The following CADPS2 variants were observed in gnomAD, a reference collection of about 807,000 sequenced individuals.
CADPS2 encodes calcium dependent secretion activator 2.
In CADPS2, 93 loss-of-function variants were observed where a neutral mutation model predicts 172.5. The ratio of observed to expected loss-of-function variants is 0.54; its 90% CI spans 0.46 to 0.64. The LOEUF (loss-of-function observed/expected upper bound fraction) is 0.64. Ranked by LOEUF, CADPS2 falls within the 30% of genes least tolerant of loss-of-function variation. The pLI is 0.00. For missense variants in CADPS2, 1,420 were observed against 1,565.9 expected, an observed-to-expected ratio of 0.91 and a Z score of 1.57; for synonymous variants, 546 against 555.2, an observed-to-expected ratio of 0.98 and a Z score of 0.23.
In CADPS2 at chr7:122,768,333, G is replaced by A. The variant is rs140900449; in HGVS notation, c.340-31265C>T. Reference sequence around the variant, plus strand: ...ACCCACATCAGAAATATGCAACAAAGTCATATATAAATCTAAGCAAAATCA... The same window carrying A: ...ACCCACATCAGAAATATGCAACAAAATCATATATAAATCTAAGCAAAATCA... On this transcript the variant is annotated intron_variant, in intron 1 of 29. Transcript: ENST00000449022. Among the ~76,000 whole-genome samples, 1,030 of 152,166 alleles carry A rather than the reference G, an allele frequency of 6.8e-3. 3 individuals carry two copies. The highest frequency in any genetic ancestry group is 0.034 in the Middle Eastern group (10 of 294).
chr7:122,540,701 T>C (rs2062822693), intron 8 of CADPS2, among the ~76,000 whole-genome samples: 1 of 152,154 alleles, frequency 6.6e-6, no homozygotes, highest in Non-Finnish European at 1.5e-5. Context: ...AAAGACAAGA[T>C]TGTAGTTATA....
At chr7:122,364,805 C>A (rs1283375412) in intron 25 of CADPS2, among the ~76,000 whole-genome samples, 1 of 151,606 alleles carries the variant, frequency 6.6e-6, no homozygotes, top group African/African-American at 2.4e-5. Context: ...TACAAAAACA[C>A]AACAGTCTTA....
At chr7:122,523,312 ATAAT>A (rs571232683) in intron 8 of CADPS2, among the ~76,000 whole-genome samples, 19 of 152,192 alleles carry the variant, frequency 1.2e-4, no homozygotes, top group Admixed American at 3.3e-4. Flanking sequence ...AACTAGAAAA[ATAAT>A]TAATTCTATA....
intron 15 of CADPS2, among the ~76,000 whole-genome samples, chr7:122,448,745 T>C (rs1469136632): frequency 6.6e-6 from 1 of 152,132 alleles, no homozygotes; most frequent in Non-Finnish European, 1.5e-5. Flanking sequence ...CCACTGGTTT[T>C]GGTTCAAAAC....
chr7:122,734,389 A>AAAAAAAAAAAAG (rs2091980642), intron 2 of CADPS2, among the ~76,000 whole-genome samples: 4 of 47,834 alleles, frequency 8.4e-5, no homozygotes, highest in African/African-American at 1.2e-4. Flanking sequence ...AAAAAAAAGA[A>AAAAAAAAAAAAG]AAAAAAAAAA....
At chr7:122,788,894 A>G (rs1307383288) in intron 1 of CADPS2, among the ~76,000 whole-genome samples, 1 of 152,196 alleles carries the variant, frequency 6.6e-6, no homozygotes, top group East Asian at 1.9e-4. Flanking sequence ...CACTGAGGAA[A>G]GGCCTGCTTC....
intron 3 of CADPS2, among the ~76,000 whole-genome samples, chr7:122,656,709 G>A (rs1477380385): frequency 6.6e-6 from 1 of 152,118 alleles, no homozygotes; most frequent in Middle Eastern, 3.2e-3. Context: ...GACTTTCCCT[G>A]GGGCAGAGTC....
intron 2 of CADPS2, among the ~76,000 whole-genome samples, chr7:122,725,466 T>A (rs893419323): frequency 2.6e-5 from 4 of 151,804 alleles, no homozygotes; most frequent in African/African-American, 7.3e-5. Flanking sequence ...ATATACTGCA[T>A]GGACCATCTG....
At chr7:122,708,196 T>A (rs2087911108) in intron 2 of CADPS2, among the ~76,000 whole-genome samples, 1 of 151,732 alleles carries the variant, frequency 6.6e-6, no homozygotes, top group Admixed American at 6.6e-5. Context: ...GATTAAATCT[T>A]ATTCTCATCT....
chr7:122,411,262 C>T (rs1361290561), intron 19 of CADPS2, among the ~76,000 whole-genome samples: 2 of 151,324 alleles, frequency 1.3e-5, no homozygotes, highest in South Asian at 2.1e-4. Context: ...GCTCTGTCGC[C>T]CAGGCTGGAG....
chr7:122,531,349 ACC>A (rs1489596397), intron 8 of CADPS2, among the ~76,000 whole-genome samples: 1 of 152,138 alleles, frequency 6.6e-6, no homozygotes, highest in Non-Finnish European at 1.5e-5. Flanking sequence ...CAGGAGGGGA[ACC>A]CTCAGAATTC....
chr7:122,841,229 T>TA (rs1810391463), intron 1 of CADPS2, among the ~76,000 whole-genome samples: 1 of 152,132 alleles, frequency 6.6e-6, no homozygotes, highest in Middle Eastern at 3.4e-3. Context: ...TCAAATACCC[T>TA]AAAAAAGAAA....
chr7:122,343,488 G>A (rs1055054490), intron 28 of CADPS2, among the ~76,000 whole-genome samples: 9 of 152,164 alleles, frequency 5.9e-5, no homozygotes, highest in Admixed American at 2.0e-4. Context: ...GTCTTCCAAA[G>A]AACTTCAGTG....
chr7:122,328,684 T>C (rs1457218283), intron 28 of CADPS2: 1 of 152,206 alleles, frequency 6.6e-6, no homozygotes, highest in Non-Finnish European at 1.5e-5. Context: ...AGGGCATGCG[T>C]TACTCACTGC....
chr7:122,715,374 C>T (rs78086317), intron 2 of CADPS2, among the ~76,000 whole-genome samples: 2,665 of 152,166 alleles, frequency 0.018, 39 homozygotes, highest in Middle Eastern at 0.027. Context: ...GTTTCTCCTT[C>T]CAGAACGCAG....
chr7:122,747,284 G>GA (rs1328361566), intron 1 of CADPS2, among the ~76,000 whole-genome samples: 4 of 151,976 alleles, frequency 2.6e-5, no homozygotes, highest in Admixed American at 6.6e-5. Flanking sequence ...ATGTGCTATG[G>GA]AAAAAAGGAG....
intron 1 of CADPS2, among the ~76,000 whole-genome samples, chr7:122,832,400 T>A (rs1806844807): frequency 6.6e-6 from 1 of 152,114 alleles, no homozygotes; most frequent in Admixed American, 6.5e-5. Context: ...TAAGTGACCC[T>A]TTTCTTGTAT....
rs1472667123 is a variant in CADPS2 at position 122,645,519 on chromosome 7, T to C, written c.787-16191A>G. 4.7e-5 allele frequency among the ~76,000 whole-genome samples: 6 copies of C among 126,870 alleles called. No homozygotes were observed. The East Asian group carries it at 1.1e-3, about 23-fold the overall frequency. The allele number at this position is 126,870 out of a possible 152,430, so 83.2% of individuals were successfully genotyped here. ...ATATATAAGTATATATATACTTATA[T>C]ATATATAAGTATATATATATACTTA... On this transcript the variant is annotated intron_variant, in intron 3 of 29. Coordinates refer to ENST00000449022, the MANE Select transcript of CADPS2 (RefSeq NM_017954.11).
intron 1 of CADPS2, among the ~76,000 whole-genome samples, chr7:122,882,128 T>C (rs1407848331): frequency 1.3e-5 from 2 of 152,190 alleles, no homozygotes; most frequent in Non-Finnish European, 2.9e-5. Context: ...CCCAATACTA[T>C]TTCCCCAAAT....
Sources: allele counts gnomAD v4.1 joint callset (sites outside exome capture counted in the v4.1 genomes callset), GRCh38; gene constraint gnomAD v4.1.1; transcripts MANE v1.5; gene names NCBI Gene and HGNC (gene_info 2026-07-23, HGNC 2026-07-21).